Variants in ME1 observed in about 807,000 individuals in gnomAD.
ME1 encodes NADP-dependent malic enzyme.
ME1 carries 74 observed loss-of-function variants against 66.4 expected under a neutral mutation model. That is an observed-to-expected ratio of 1.11 (90% CI 0.92 to 1.35). The LOEUF (loss-of-function observed/expected upper bound fraction) is 1.35, where lower values mean the gene tolerates loss of function less well. ME1 is among the 40% of genes most tolerant of loss of function. The pLI is 0.00. For missense variants in ME1, 750 were observed against 694.1 expected (o/e 1.08, Z -0.90); for synonymous variants, 251 against 235.6 (o/e 1.07, Z -0.60).
At chr6:83,316,983 C>T (rs1020440324) in intron 5 of ME1, among the ~76,000 whole-genome samples, 3 of 151,914 alleles carry the variant, frequency 2.0e-5, no homozygotes, top group Non-Finnish European at 2.9e-5. Flanking sequence ...CAAAGTGACA[C>T]CTTCAGTAAC....
intron 6 of ME1, among the ~76,000 whole-genome samples, chr6:83,266,880 C>T (rs755545699): frequency 2.2e-4 from 34 of 152,074 alleles, no homozygotes; most frequent in Non-Finnish European, 3.8e-4. Context: ...AACATGATGC[C>T]GTCTATGTAG....
chr6:83,274,187 A>G (rs894273465), intron 6 of ME1, among the ~76,000 whole-genome samples: 24 of 152,194 alleles, frequency 1.6e-4, no homozygotes, highest in African/African-American at 5.5e-4. Flanking sequence ...TTCTCTTACT[A>G]TATTGATAAG....
At chr6:83,219,164 T>G (rs547556047) in intron 12 of ME1, among the ~76,000 whole-genome samples, 1 of 152,354 alleles carries the variant, frequency 6.6e-6, no homozygotes, top group African/African-American at 2.4e-5. Context: ...TGTTAATTGC[T>G]CCACTGAATT....
At chr6:83,256,291 A>G (rs994408396) in intron 6 of ME1, among the ~76,000 whole-genome samples, 1 of 152,222 alleles carries the variant, frequency 6.6e-6, no homozygotes. Flanking sequence ...TTAAAAATCT[A>G]CAGATTTTAA....
intron 6 of ME1, among the ~76,000 whole-genome samples, chr6:83,261,534 T>A (rs1766888501): frequency 6.6e-6 from 1 of 151,740 alleles, no homozygotes; most frequent in Non-Finnish European, 1.5e-5. Context: ...AATCTTTGCC[T>A]GTTCCTATGT....
intron 3 of ME1, among the ~76,000 whole-genome samples, chr6:83,356,401 T>TA (rs910197730): frequency 6.6e-6 from 1 of 151,992 alleles, no homozygotes; most frequent in African/African-American, 2.4e-5. Flanking sequence ...AAAGAAGTAC[T>TA]AAAAAAAGCT....
rs377224179 is a variant in ME1 at position 83,307,827 on chromosome 6, A to C, written c.704+7483T>G. ...GCAACCCTGAATAAGGGTGAAGAGC[A>C]CATATTAATTTACATATTTGATGCC... On this transcript the variant is annotated intron_variant, in intron 6 of 13. Coordinates refer to ENST00000369705, the MANE Select transcript of ME1 (RefSeq NM_002395.6). Among the ~76,000 whole-genome samples the C allele has an allele frequency of 5.3e-5, 8 of 152,260 alleles. No homozygotes were observed. In the East Asian group the frequency reaches 1.3e-3, roughly 26 times the overall value.
At chr6:83,235,470 A>ATTTTTT (rs10691116) in intron 9 of ME1, among the ~76,000 whole-genome samples, 7 of 128,250 alleles carry the variant, frequency 5.5e-5, no homozygotes, top group South Asian at 2.4e-4. Flanking sequence ...AGCAATAGCT[A>ATTTTTT]TTTTTTTTTT....
chr6:83,286,250 C>G (rs533363193), intron 6 of ME1, among the ~76,000 whole-genome samples: 3 of 152,024 alleles, frequency 2.0e-5, no homozygotes, highest in African/African-American at 7.3e-5. Context: ...TTGTAAGTAT[C>G]TCATAGTTGT....
At chr6:83,266,824 C>T (rs1288310110) in intron 6 of ME1, among the ~76,000 whole-genome samples, 6 of 152,140 alleles carry the variant, frequency 3.9e-5, no homozygotes, top group African/African-American at 1.4e-4. Flanking sequence ...AATTAGAATT[C>T]TACTGGCAGA....
At chr6:83,328,588 A>T (rs1768345980) in intron 5 of ME1, among the ~76,000 whole-genome samples, 1 of 152,206 alleles carries the variant, frequency 6.6e-6, no homozygotes, top group Admixed American at 6.5e-5. Context: ...TGACAAAAAA[A>T]TTAGTATCTA....
rs1199723019 is a variant in ME1, at chr6:83,211,005, G to T, written c.*919C>A. 6.6e-6 allele frequency: 1 copy of T among 152,126 alleles called. No homozygotes were observed. The highest frequency in any genetic ancestry group is 2.4e-5 in the African/African-American group (1 of 41,422). The allele number at this position is 152,126 out of a possible 1,614,324, so 9.4% of individuals were successfully genotyped here. A position where few individuals can be genotyped will look rare whatever the true frequency, so the allele number is the denominator to read the frequency against. On this transcript the variant is annotated 3_prime_UTR_variant, in exon 14 of 14. Coordinates refer to ENST00000369705, the MANE Select transcript of ME1 (RefSeq NM_002395.6). ...CTGAGTTAATTAAGAGGCCATTCTG[G>T]CAGGTAACTCCAGTAGGAACCTAAC...
chr6:83,357,935 CTA>C (rs60624497), intron 3 of ME1, among the ~76,000 whole-genome samples: 1,705 of 29,758 alleles, frequency 0.057, 44 homozygotes, highest in South Asian at 0.078. Context: ...CTCTCTCTCT[CTA>C]TATATATATA....
rs114956124 is a variant in ME1, at chr6:83,287,078, T to C, written c.704+28232A>G. On this transcript the variant is annotated intron_variant, in intron 6 of 13. Transcript: ENST00000369705. ...TCAACAATCCTTTAAAAACTGTTTT[T>C]ATGAAAATTTTCATCGACAAATACT... Among the ~76,000 whole-genome samples, 999 of 152,312 alleles carry C rather than the reference T, an allele frequency of 6.6e-3. 10 individuals carry two copies. The highest frequency in any genetic ancestry group is 0.023 in the African/African-American group (947 of 41,564).
intron 1 of ME1, among the ~76,000 whole-genome samples, chr6:83,416,290 G>A (rs1391428203): frequency 6.6e-6 from 1 of 152,140 alleles, no homozygotes; most frequent in East Asian, 1.9e-4. Context: ...ATGGTACAAA[G>A]TTTTAAAATA....
intron 3 of ME1, among the ~76,000 whole-genome samples, chr6:83,359,078 A>G (rs150733918): frequency 0.028 from 4,167 of 151,482 alleles, 196 homozygotes; most frequent in African/African-American, 0.092. Context: ...ATCACTTCCC[A>G]GATGGGGTGG....
chr6:83,366,277 A>C (rs2128546668), intron 3 of ME1, among the ~76,000 whole-genome samples: 1 of 152,340 alleles, frequency 6.6e-6, no homozygotes, highest in South Asian at 2.1e-4. Context: ...TGCTTACCAG[A>C]GGCAGTTCAA....
intron 5 of ME1, among the ~76,000 whole-genome samples, chr6:83,334,417 T>G: frequency 1.8e-5 from 1 of 54,284 alleles, no homozygotes; most frequent in Non-Finnish European, 3.7e-5. Flanking sequence ...CCAGGCTTGC[T>G]TAGGTAAACA....
chr6:83,245,365 A>G (rs1445020512), intron 7 of ME1, among the ~76,000 whole-genome samples: 1 of 152,094 alleles, frequency 6.6e-6, no homozygotes, highest in Non-Finnish European at 1.5e-5. Flanking sequence ...TTTAACCATG[A>G]ACTTCTTTCC....
Sources: allele counts gnomAD v4.1 joint callset (sites outside exome capture counted in the v4.1 genomes callset), GRCh38; gene constraint gnomAD v4.1.1; transcripts MANE v1.5; gene names NCBI Gene and HGNC (gene_info 2026-07-23, HGNC 2026-07-21).